Variants in ATRN observed in about 807,000 individuals in gnomAD.
ATRN encodes attractin-2.
In ATRN, 54 loss-of-function variants were observed where a neutral mutation model predicts 178.7. The ratio of observed to expected loss-of-function variants is 0.30; its 90% CI spans 0.24 to 0.38. The LOEUF is 0.38. ATRN is among the 10% of genes least tolerant of loss of function. The pLI, the probability that ATRN is intolerant of heterozygous loss-of-function variation, is 1.00. For missense variants in ATRN, 1,443 were observed against 1,815.1 expected (o/e 0.79, Z 3.73); for synonymous variants, 636 against 663.0 (o/e 0.96, Z 0.63).
At chr20:3,495,154 T>C (rs1038488304) in intron 1 of ATRN, among the ~76,000 whole-genome samples, 1 of 152,248 alleles carries the variant, frequency 6.6e-6, no homozygotes, top group Non-Finnish European at 1.5e-5. Context: ...TTTTTCTTTG[T>C]ATTTCTTTCG....
At chr20:3,528,863 A>G (rs1478762365) in intron 1 of ATRN, among the ~76,000 whole-genome samples, 1 of 152,150 alleles carries the variant, frequency 6.6e-6, no homozygotes, top group African/African-American at 2.4e-5. Context: ...TCCAAGCTGC[A>G]GTACAGTGGC....
chr20:3,596,991 C>T (rs1012954983), intron 21 of ATRN, among the ~76,000 whole-genome samples: 2 of 149,228 alleles, frequency 1.3e-5, no homozygotes, highest in African/African-American at 5.0e-5. Flanking sequence ...TAATTATATA[C>T]CTGCTGTACT....
chr20:3,568,878 G>C (rs1434303671), intron 11 of ATRN, among the ~76,000 whole-genome samples: 1 of 152,036 alleles, frequency 6.6e-6, no homozygotes. Flanking sequence ...CTGCATAGGG[G>C]GCCATTTTCA....
rs1407349098 is a variant in ATRN at position 3,471,419 on chromosome 20, C to G, written c.312C>G (p.Pro104=). The change falls in exon 1 of 29, where the codon CCC becomes CCG. Residue 104 remains proline, a synonymous_variant. Coordinates refer to ENST00000262919, the MANE Select transcript of ATRN (RefSeq NM_139321.3). ...CCGAGGCCAAGGAATGTGACCGGCC[C>G]TGTGTCAACGGCGGTCGCTGCAACC... ...AAAEAKECDR[P]CVNGGRCNPG... The G allele has an allele frequency of 9.5e-6, 14 of 1,478,558 alleles. No individual in the cohort carries two copies. The highest frequency in any genetic ancestry group is 1.3e-5 in the South Asian group (1 of 76,444). 91.6% of individuals were successfully genotyped at this position (1,478,558 alleles called of 1,614,324 possible). A position where few individuals can be genotyped will look rare whatever the true frequency, so the allele number is the denominator to read the frequency against.
In ATRN at chr20:3,622,262, A is replaced by G. The variant is rs182635606; in HGVS notation, c.3802-2249A>G. Reference sequence around the variant, plus strand: ...CTCCCTTAATCTCGTTTAGAGAATTATGAAACACTTCCTATGGCTTCATCC... The same window carrying G: ...CTCCCTTAATCTCGTTTAGAGAATTGTGAAACACTTCCTATGGCTTCATCC... On this transcript the variant is annotated intron_variant, in intron 24 of 28. Transcript: ENST00000262919. Among the ~76,000 whole-genome samples the G allele has an allele frequency of 3.1e-3, 477 of 152,356 alleles. 4 individuals are homozygous for G. The highest frequency in any genetic ancestry group is 0.011 in the African/African-American group (459 of 41,580).
rs746448500 is a variant in ATRN, at chr20:3,562,466, A to C, written c.1631+7A>C. On this transcript the variant is annotated splice_region_variant and intron_variant, in intron 9 of 28. Transcript: ENST00000262919. ...ATGTGGATACCCAGATGTGGTGGGT[A>C]CTTTTTCTTGAGCTTTCACTTTAAG... is the stretch of plus-strand genomic sequence containing the variant. 1.2e-6 allele frequency: 2 copies of C among 1,613,280 alleles called. No individual in the cohort carries two copies. The highest frequency in any genetic ancestry group is 8.5e-7 in the Non-Finnish European group (1 of 1,179,602).
intron 19 of ATRN, among the ~76,000 whole-genome samples, chr20:3,594,009 C>T (rs928181859): frequency 6.6e-5 from 10 of 152,136 alleles, no homozygotes; most frequent in East Asian, 1.9e-4. Context: ...CTGAGCCCTG[C>T]GGTGATTCCA....
Position 3,471,388 on chromosome 20 carries a change from C to T in ATRN, c.281C>T (p.Ala94Val), listed in dbSNP as rs1218913053. ...GCGGCGGCGGCGGTGTCGGGCTCAG[C>T]CGCAGCCGAGGCCAAGGAATGTGAC... ...AAAAAAVSGS[A>V]AAEAKECDRP... The change falls in exon 1 of 29, where the codon GCC becomes GTC. Residue 94 changes from alanine to valine, a missense_variant. By Grantham distance (64) the Ala-to-Val change is moderately conservative. Around this residue, in one of 4 missense-constraint regions of ATRN, gnomAD observed 862 missense variants for 972.1 expected, o/e 0.89. Transcript: ENST00000262919. 2.0e-6 allele frequency: 3 copies of T among 1,487,572 alleles called. No homozygotes were observed. Among genetic ancestry groups the T allele is most frequent in the Non-Finnish European group, 2.7e-6 (3 of 1,127,436 alleles). 92.1% of individuals were successfully genotyped at this position (1,487,572 alleles called of 1,614,324 possible).
At chr20:3,574,531 G>C (rs1360748555) in intron 12 of ATRN, among the ~76,000 whole-genome samples, 1 of 152,120 alleles carries the variant, frequency 6.6e-6, no homozygotes, top group Non-Finnish European at 1.5e-5. Flanking sequence ...AAAAAAACAG[G>C]CCACCCAGGC....
chr20:3,557,238 A>G (rs185232344), intron 6 of ATRN, among the ~76,000 whole-genome samples: 2 of 152,324 alleles, frequency 1.3e-5, no homozygotes. Flanking sequence ...AAAAAAATAG[A>G]GGTTGCGGGT....
At chr20:3,502,898 G>A (rs940222348) in intron 1 of ATRN, among the ~76,000 whole-genome samples, 1 of 152,204 alleles carries the variant, frequency 6.6e-6, no homozygotes, top group Non-Finnish European at 1.5e-5. Flanking sequence ...CCTACCCAGA[G>A]ATATGGGCAG....
At position 3,565,486 on chromosome 20, in the gene ATRN, G is replaced by A. The variant is rs1167227333; in HGVS notation, c.1871+54G>A. ...TTTTGTGTTTAAAATGAAAATAAAG[G>A]GCCGGGCACGGTGGCTCACGCCTGT... is the stretch of plus-strand genomic sequence containing the variant. On this transcript the variant is annotated intron_variant, in intron 11 of 28. Transcript: ENST00000262919. 1.6e-5 allele frequency: 24 copies of A among 1,491,126 alleles called. 1 individual carries two copies. The highest frequency in any genetic ancestry group is 3.4e-4 in the Middle Eastern group (2 of 5,870). The allele number at this position is 1,491,126 out of a possible 1,614,324, so 92.4% of individuals were successfully genotyped here. A position where few individuals can be genotyped will look rare whatever the true frequency, so the allele number is the denominator to read the frequency against.
chr20:3,618,169 T>C (rs1267136821), intron 24 of ATRN, among the ~76,000 whole-genome samples: 1 of 151,912 alleles, frequency 6.6e-6, no homozygotes. Flanking sequence ...TTTCCATCAC[T>C]GTCACCCTCA....
chr20:3,548,788 G>C (rs1240583174), intron 5 of ATRN, among the ~76,000 whole-genome samples: 4 of 152,244 alleles, frequency 2.6e-5, no homozygotes, highest in East Asian at 1.9e-4. Flanking sequence ...TTGAGCATCT[G>C]TGGATTTTGG....
intron 27 of ATRN, among the ~76,000 whole-genome samples, chr20:3,643,123 C>T (rs980166110): frequency 1.3e-5 from 2 of 152,070 alleles, no homozygotes; most frequent in Admixed American, 1.3e-4. Flanking sequence ...ACTGCGTAAG[C>T]CCTGAATGCA....
In ATRN at chr20:3,597,257, C is replaced by G. The variant is rs915527936; in HGVS notation, c.3470-649C>G. 1.8e-4 allele frequency among the ~76,000 whole-genome samples: 27 copies of G among 151,860 alleles called. 1 individual carries two copies. Among genetic ancestry groups the G allele is most frequent in the Admixed American group, 1.7e-3 (26 of 15,258 alleles). On this transcript the variant is annotated intron_variant, in intron 21 of 28. Coordinates refer to ENST00000262919, the MANE Select transcript of ATRN (RefSeq NM_139321.3). ...AGCCACAGACTAGAGAAAATACTCG[C>G]ACATCATCATATATTTGATAAGGAG... is the stretch of plus-strand genomic sequence containing the variant.
chr20:3,631,690 G>GT (rs1385580358), intron 25 of ATRN, among the ~76,000 whole-genome samples: 1 of 152,192 alleles, frequency 6.6e-6, no homozygotes, highest in East Asian at 1.9e-4. Context: ...GGCACAGACT[G>GT]TATTACGGGT....
intron 18 of ATRN, among the ~76,000 whole-genome samples, chr20:3,589,363 G>T (rs185956973): frequency 2.0e-5 from 3 of 151,154 alleles, no homozygotes; most frequent in South Asian, 2.1e-4. Flanking sequence ...ACCTGTTAAC[G>T]ATTTTTTTTT....
At chr20:3,472,459 C>A (rs1448267659) in intron 1 of ATRN, among the ~76,000 whole-genome samples, 1 of 152,112 alleles carries the variant, frequency 6.6e-6, no homozygotes, top group Admixed American at 6.5e-5. Flanking sequence ...GAAATGTGAA[C>A]AAGACAGACA....
Sources: allele counts gnomAD v4.1 joint callset (sites outside exome capture counted in the v4.1 genomes callset), GRCh38; gene constraint gnomAD v4.1.1; regional missense constraint gnomAD v4.1.1; transcripts MANE v1.5; gene names NCBI Gene and HGNC (gene_info 2026-07-23, HGNC 2026-07-21).